Variants in RASA2 observed in about 807,000 individuals in gnomAD.
RASA2 encodes the protein RAS p21 protein activator 2.
In RASA2, 155 loss-of-function variants were observed where a neutral mutation model predicts 118.2. That is an observed-to-expected ratio of 1.31 (90% CI 1.15 to 1.50). RASA2 has a LOEUF of 1.50. Ranked by LOEUF, RASA2 falls within the 40% of genes most tolerant of loss-of-function variation. RASA2 has a pLI of 0.00. For synonymous variants in RASA2, 353 were observed against 349.1 expected (o/e 1.01, Z -0.12); for missense variants, 1,016 against 1,009.6 (o/e 1.01, Z -0.09).
intron 1 of RASA2, among the ~76,000 whole-genome samples, chr3:141,506,252 T>C (rs916664293): frequency 6.6e-6 from 1 of 152,244 alleles, no homozygotes; most frequent in Non-Finnish European, 1.5e-5. Flanking sequence ...TACCTCCTGA[T>C]CTTGATTTAT....
intron 14 of RASA2, among the ~76,000 whole-genome samples, chr3:141,575,875 A>G (rs967701993): frequency 7.3e-5 from 11 of 151,698 alleles, no homozygotes; most frequent in African/African-American, 2.7e-4. Flanking sequence ...GCTCACTGCA[A>G]CTCCGCCTCC....
intron 1 of RASA2, among the ~76,000 whole-genome samples, chr3:141,503,675 T>C (rs190530367): frequency 6.6e-6 from 1 of 152,328 alleles, no homozygotes; most frequent in East Asian, 1.9e-4. Flanking sequence ...TATTAGGCCA[T>C]ACATTTTTAC....
intron 13 of RASA2, among the ~76,000 whole-genome samples, chr3:141,573,574 A>G (rs1238578332): frequency 6.6e-6 from 1 of 152,228 alleles, no homozygotes; most frequent in Non-Finnish European, 1.5e-5. Flanking sequence ...TGGCCTCTGA[A>G]AAAACAATGA....
intron 9 of RASA2, among the ~76,000 whole-genome samples, chr3:141,562,868 TC>T (rs2082757651): frequency 6.6e-6 from 1 of 151,996 alleles, no homozygotes; most frequent in African/African-American, 2.4e-5. Flanking sequence ...AGATGGGGTT[TC>T]ACCATGTTCA....
At chr3:141,526,348 T>C (rs2082184700) in intron 3 of RASA2, among the ~76,000 whole-genome samples, 1 of 151,966 alleles carries the variant, frequency 6.6e-6, no homozygotes, top group Admixed American at 6.6e-5. Context: ...TTTTTTTTAT[T>C]CTATTTGTGT....
chr3:141,544,974 C>T (rs947367993), intron 5 of RASA2, among the ~76,000 whole-genome samples: 10 of 152,118 alleles, frequency 6.6e-5, no homozygotes, highest in Non-Finnish European at 1.0e-4. Flanking sequence ...GAACAACAGA[C>T]GTTAGGGCCT....
intron 9 of RASA2, among the ~76,000 whole-genome samples, chr3:141,569,973 C>T (rs1228443625): frequency 2.0e-5 from 3 of 151,930 alleles, no homozygotes; most frequent in Admixed American, 6.6e-5. Flanking sequence ...TTTTTTCTTT[C>T]TGTGACTGCG....
chr3:141,524,255 C>T (rs117350561), intron 3 of RASA2, among the ~76,000 whole-genome samples: 1 of 152,120 alleles, frequency 6.6e-6, no homozygotes, highest in Non-Finnish European at 1.5e-5. Context: ...ACCTTCCTCA[C>T]CACATGGTCT....
intron 19 of RASA2, among the ~76,000 whole-genome samples, chr3:141,599,045 G>T (rs1032946314): frequency 1.3e-5 from 2 of 151,990 alleles, no homozygotes; most frequent in South Asian, 4.2e-4. Context: ...CCGAGATCGC[G>T]CCACTGCACT....
At chr3:141,516,492 T>A in intron 3 of RASA2, 61 bp downstream of exon 3, 8 of 1,220,502 alleles carry the variant, frequency 6.6e-6, no homozygotes, top group Non-Finnish European at 8.4e-6. Flanking sequence ...ATTCGTTCTC[T>A]TAGTATAGTT....
chr3:141,575,841 CTG>C (rs1394226466), intron 14 of RASA2, among the ~76,000 whole-genome samples: 2 of 152,182 alleles, frequency 1.3e-5, no homozygotes, highest in East Asian at 3.8e-4. Flanking sequence ...GTTGCCCAGA[CTG>C]GAGTGCAATG....
At chr3:141,577,128 A>G (rs1434107059) in intron 15 of RASA2, 22 bp downstream of exon 15, 1 of 1,497,992 alleles carries the variant, frequency 6.7e-7, no homozygotes, top group Non-Finnish European at 9.1e-7. Flanking sequence ...TTCTTCTGAA[A>G]GCTTTATTCC....
chr3:141,490,316 G>A (rs1368375496), intron 1 of RASA2, among the ~76,000 whole-genome samples: 1 of 122,292 alleles, frequency 8.2e-6, no homozygotes, highest in African/African-American at 3.5e-5. Context: ...AAACACATTT[G>A]CATGCTCCCT....
At chr3:141,526,542 G>A (rs969276174) in intron 3 of RASA2, among the ~76,000 whole-genome samples, 3 of 151,888 alleles carry the variant, frequency 2.0e-5, no homozygotes, top group African/African-American at 7.3e-5. Context: ...GCCTAATAAA[G>A]TGCTGGACAT....
chr3:141,506,343 G>A (rs2081866391), intron 1 of RASA2, among the ~76,000 whole-genome samples: 1 of 152,196 alleles, frequency 6.6e-6, no homozygotes, highest in African/African-American at 2.4e-5. Flanking sequence ...GCCTTTGTAG[G>A]ACAAATGTCT....
chr3:141,563,609 T>C (rs1292353760), intron 9 of RASA2, among the ~76,000 whole-genome samples: 2 of 152,172 alleles, frequency 1.3e-5, no homozygotes, highest in African/African-American at 2.4e-5. Context: ...ACTTTACTTA[T>C]AATAACTTTT....
At chr3:141,577,171 A>G in intron 15 of RASA2, 65 bp downstream of exon 15, 1 of 1,304,496 alleles carries the variant, frequency 7.7e-7, no homozygotes, top group Non-Finnish European at 1.1e-6. Context: ...TGAAGAAAAG[A>G]TAAAATAAAC....
Position 141,597,404 on chromosome 3 carries a change from G to A in RASA2, c.1934-10274G>A, listed in dbSNP as rs557484014. Reference sequence around the variant, plus strand: ...TACGAAGTGTCCAGAAAAGACAAAGGTATAGGAACAGAAAGTAGGTTAGTG... The same window carrying A: ...TACGAAGTGTCCAGAAAAGACAAAGATATAGGAACAGAAAGTAGGTTAGTG... On this transcript the variant is annotated intron_variant, in intron 19 of 23. Transcript: ENST00000286364. 1.2e-4 allele frequency among the ~76,000 whole-genome samples: 19 copies of A among 152,282 alleles called. No individual in the cohort carries two copies. The South Asian group carries it at 3.9e-3, about 32-fold the overall frequency.
chr3:141,559,000 A>T, intron 8 of RASA2, 38 bp downstream of exon 8: 1 of 1,500,582 alleles, frequency 6.7e-7, no homozygotes, highest in Non-Finnish European at 9.1e-7. Flanking sequence ...GCTTTTTTGT[A>T]TACCAAAAGA....
Sources: allele counts gnomAD v4.1 joint callset (sites outside exome capture counted in the v4.1 genomes callset), GRCh38; gene constraint gnomAD v4.1.1; transcripts MANE v1.5; gene names NCBI Gene and HGNC (gene_info 2026-07-23, HGNC 2026-07-21).